The following BCKDHB variants were observed in gnomAD, a reference collection of about 807,000 sequenced individuals.
BCKDHB encodes the protein branched chain keto acid dehydrogenase E1 subunit beta.
In BCKDHB, 41 loss-of-function variants were observed where a neutral mutation model predicts 48.5. The ratio of observed to expected loss-of-function variants is 0.85; its 90% confidence interval spans 0.66 to 1.10. The LOEUF is 1.10. Ranked by LOEUF, BCKDHB falls within the 50% of genes least tolerant of loss-of-function variation. The pLI, the probability that BCKDHB is intolerant of heterozygous loss-of-function variation, is 0.00. For synonymous variants in BCKDHB, 201 were observed against 174.8 expected (o/e 1.15, Z -1.18); for missense variants, 496 against 494.2 (o/e 1.00, Z -0.03).
intron 3 of BCKDHB, among the ~76,000 whole-genome samples, chr6:80,156,034 A>T (rs1772030113): frequency 6.6e-6 from 1 of 151,998 alleles, no homozygotes; most frequent in Admixed American, 6.6e-5. Flanking sequence ...TCTAAAATTG[A>T]ACAGTGGAGT....
At position 80,117,159 on chromosome 6, in the gene BCKDHB, CA is replaced by C. The variant is rs531317070; in HGVS notation, c.196+10274del. On this transcript the variant is annotated intron_variant, in intron 1 of 9. Coordinates refer to ENST00000320393, the MANE Select transcript of BCKDHB (RefSeq NM_183050.4). ...GTATCTGGTAGAATAGCAATTAATCCAAAACCCTAAAATTTTGAATCTGTTT... is the reference window on the plus strand; with the variant it reads ...GTATCTGGTAGAATAGCAATTAATCCAAACCCTAAAATTTTGAATCTGTTT... 1.7e-3 allele frequency among the ~76,000 whole-genome samples: 261 copies of C among 152,204 alleles called. 1 individual carries two copies. Among genetic ancestry groups the C allele is most frequent in the African/African-American group, 6.0e-3 (251 of 41,542 alleles).
At chr6:80,315,351 C>T (rs553773676) in intron 9 of BCKDHB, among the ~76,000 whole-genome samples, 4 of 152,236 alleles carry the variant, frequency 2.6e-5, no homozygotes, top group East Asian at 1.9e-4. Context: ...GTTGTACATT[C>T]GTTCACTGCT....
rs151090016 is a variant in BCKDHB, at chr6:80,292,511, C to A, written c.1038+19290C>A. Among the ~76,000 whole-genome samples, 372 of 152,208 alleles carry A rather than the reference C, an allele frequency of 2.4e-3. 1 individual carries two copies. Among genetic ancestry groups the A allele is most frequent in the Non-Finnish European group, 4.7e-3 (323 of 68,010 alleles). ...CCCATCCCCATGATTCAGTTACCTC[C>A]CACCGGGTCCCTCCCATGACGTGGG... On this transcript the variant is annotated intron_variant, in intron 9 of 9. Coordinates refer to ENST00000320393, the MANE Select transcript of BCKDHB (RefSeq NM_183050.4).
intron 3 of BCKDHB, among the ~76,000 whole-genome samples, chr6:80,141,905 G>T (rs771435635): frequency 2.6e-5 from 4 of 152,024 alleles, no homozygotes; most frequent in Non-Finnish European, 4.4e-5. Context: ...CTGATTCTTA[G>T]TCTTCTGAAA....
chr6:80,398,655 A>G, the BCKDHB span, among the ~76,000 whole-genome samples: 2 of 151,956 alleles, frequency 1.3e-5, no homozygotes, highest in African/African-American at 2.4e-5. Flanking sequence ...ATTCTACCAG[A>G]TGTACAACAA....
At chr6:80,399,658 T>G in the BCKDHB span, among the ~76,000 whole-genome samples, 1 of 152,180 alleles carries the variant, frequency 6.6e-6, no homozygotes, top group Non-Finnish European at 1.5e-5. Context: ...ATCATTATAA[T>G]GGCAATACTG....
Position 80,345,001 on chromosome 6 carries a change from A to G in BCKDHB, c.*1197A>G, listed in dbSNP as rs1770130958. On this transcript the variant is annotated 3_prime_UTR_variant, in exon 10 of 10. Coordinates refer to ENST00000320393, the MANE Select transcript of BCKDHB (RefSeq NM_183050.4). Reference sequence around the variant, plus strand: ...AATTTTACCTGAAAACAAACAAACAAACCCTAAAACTCAGCACCACTACCA... The same window carrying G: ...AATTTTACCTGAAAACAAACAAACAGACCCTAAAACTCAGCACCACTACCA... 1 of 152,204 alleles carries G rather than the reference A, an allele frequency of 6.6e-6. No individual in the cohort carries two copies. The highest frequency in any genetic ancestry group is 2.4e-5 in the African/African-American group (1 of 41,464). 9.4% of individuals were successfully genotyped at this position (152,204 alleles called of 1,614,324 possible).
intron 3 of BCKDHB, among the ~76,000 whole-genome samples, chr6:80,145,402 G>T (rs1170116535): frequency 6.6e-6 from 1 of 152,132 alleles, no homozygotes; most frequent in Admixed American, 6.6e-5. Context: ...GAGTGCTTGA[G>T]GGGACTTTCC....
chr6:80,128,423 A>G (rs1770452505), intron 2 of BCKDHB, among the ~76,000 whole-genome samples: 1 of 152,060 alleles, frequency 6.6e-6, no homozygotes, highest in Non-Finnish European at 1.5e-5. Flanking sequence ...GTCGATAAAA[A>G]CTGGTTAGGT....
chr6:80,400,705 A>G, the BCKDHB span, among the ~76,000 whole-genome samples: 36 of 152,144 alleles, frequency 2.4e-4, no homozygotes, highest in East Asian at 6.6e-3. Context: ...CAGCAATCCT[A>G]TAACTGGGTA....
At chr6:80,272,750 G>A (rs920641482) in intron 8 of BCKDHB, among the ~76,000 whole-genome samples, 4 of 151,966 alleles carry the variant, frequency 2.6e-5, no homozygotes, top group Admixed American at 2.0e-4. Context: ...TTATTTATGT[G>A]CAAACAAATG....
intron 1 of BCKDHB, among the ~76,000 whole-genome samples, chr6:80,109,463 C>T (rs1769303092): frequency 6.6e-6 from 1 of 152,106 alleles, no homozygotes; most frequent in South Asian, 2.1e-4. Flanking sequence ...GTCCTGAATA[C>T]TTTAATGGAT....
chr6:80,195,865 A>G (rs1026023802), intron 6 of BCKDHB, among the ~76,000 whole-genome samples: 4 of 152,200 alleles, frequency 2.6e-5, no homozygotes, highest in East Asian at 1.9e-4. Flanking sequence ...GAGACTTCAA[A>G]TATGCTGCTG....
At chr6:80,193,346 C>T (rs1773986047) in intron 6 of BCKDHB, among the ~76,000 whole-genome samples, 1 of 152,084 alleles carries the variant, frequency 6.6e-6, no homozygotes, top group African/African-American at 2.4e-5. Flanking sequence ...AATAAGAAAA[C>T]ATTATCCTCT....
At chr6:80,183,270 ATT>A (rs1036166364) in intron 6 of BCKDHB, among the ~76,000 whole-genome samples, 4 of 152,160 alleles carry the variant, frequency 2.6e-5, no homozygotes, top group African/African-American at 9.7e-5. Flanking sequence ...ATAGGGAATC[ATT>A]ACCACAGGTA....
chr6:80,373,177 G>T, the BCKDHB span, among the ~76,000 whole-genome samples: 12 of 152,058 alleles, frequency 7.9e-5, no homozygotes, highest in African/African-American at 2.9e-4. Context: ...TAATCTAGGA[G>T]GGTTATATGT....
intron 9 of BCKDHB, among the ~76,000 whole-genome samples, chr6:80,323,829 G>A (rs1304947299): frequency 2.0e-5 from 3 of 152,212 alleles, no homozygotes; most frequent in Non-Finnish European, 1.5e-5. Context: ...CTGGCGTGCA[G>A]TGGCGCCATC....
intron 8 of BCKDHB, among the ~76,000 whole-genome samples, chr6:80,226,279 C>T (rs1775671923): frequency 2.0e-5 from 3 of 152,122 alleles, no homozygotes; most frequent in Non-Finnish European, 4.4e-5. Context: ...TAGGGGCATT[C>T]AACGAGAAGA....
At chr6:80,355,872 G>T in the BCKDHB span, 1 of 152,224 alleles carries the variant, frequency 6.6e-6, no homozygotes, top group Non-Finnish European at 1.5e-5. Flanking sequence ...GCCGCCTGCA[G>T]CTGACGCTCA....
Sources: gnomAD v4.1 joint callset for allele counts (sites outside exome capture counted in the v4.1 genomes callset) on GRCh38, gnomAD v4.1.1 for gene constraint, MANE v1.5 for transcripts, NCBI Gene and HGNC (gene_info 2026-07-23, HGNC 2026-07-21) for gene names.